Variants in TMEM255A observed in about 807,000 individuals in gnomAD.
TMEM255A encodes the protein transmembrane protein 255A.
TMEM255A carries 14 observed loss-of-function variants against 23.5 expected under a neutral mutation model. That is an observed-to-expected ratio of 0.60 (90% CI 0.39 to 0.93). The LOEUF is 0.93. TMEM255A is among the 40% of genes least tolerant of loss of function. The probability of loss-of-function intolerance (pLI) is 0.00; values close to 1 mark genes in which losing one functional copy is unlikely to be tolerated. For missense variants in TMEM255A, 233 were observed against 261.7 expected (o/e 0.89, Z 0.76); for synonymous variants, 104 against 100.3 (o/e 1.04, Z -0.22).
At chrX:120,278,782 A>T (rs2057817767) in intron 6 of TMEM255A, among the ~76,000 whole-genome samples, 1 of 112,624 alleles carries the variant, frequency 8.9e-6, no homozygotes, top group Non-Finnish European at 1.9e-5. Context: ...ATATGAAAAG[A>T]CTTAAACTTT....
chrX:120,285,925 C>G lies in TMEM255A; in HGVS notation c.424-710G>C, dbSNP rs367625139. 31 of 1,166,681 alleles carry G rather than the reference C, an allele frequency of 2.7e-5. No individual in the cohort carries two copies. In the African/African-American group the frequency reaches 5.5e-4, roughly 21 times the overall value. On this transcript the variant is annotated intron_variant, in intron 5 of 8. Coordinates refer to ENST00000371369, the MANE Select transcript of TMEM255A (RefSeq NM_001104544.3). ...CAAGAAATTGTCCAGCTCTCTCCCCCATCCAGATGCAATGAAGTGCTGCTA... is the reference window on the plus strand; with the variant it reads ...CAAGAAATTGTCCAGCTCTCTCCCCGATCCAGATGCAATGAAGTGCTGCTA...
chrX:120,303,618 A>G (rs1386834224), intron 2 of TMEM255A, among the ~76,000 whole-genome samples: 1 of 109,220 alleles, frequency 9.2e-6, no homozygotes, highest in East Asian at 2.8e-4. Flanking sequence ...GACTCCAATG[A>G]CAGTCTAATC....
At chrX:120,269,807 C>G (rs1556018353) in intron 7 of TMEM255A, among the ~76,000 whole-genome samples, 1 of 111,971 alleles carries the variant, frequency 8.9e-6, no homozygotes, top group Non-Finnish European at 1.9e-5. Flanking sequence ...GAAATTCTGT[C>G]TCTGGGGAAG....
At chrX:120,264,768 G>T (rs372510921) in intron 8 of TMEM255A, among the ~76,000 whole-genome samples, 1 of 110,266 alleles carries the variant, frequency 9.1e-6, no homozygotes, top group Non-Finnish European at 1.9e-5. Context: ...TGGCCTTTTG[G>T]GGGTGGGTCT....
chrX:120,273,372 A>T (rs7057350), intron 7 of TMEM255A: 44,607 of 318,626 alleles, frequency 0.14, 2,676 homozygotes, highest in African/African-American at 0.25. Flanking sequence ...TCTCAAGATG[A>T]AACACAAGAA....
chrX:120,273,776 T>C (rs782364717), intron 7 of TMEM255A, among the ~76,000 whole-genome samples: 91 of 112,123 alleles, frequency 8.1e-4, no homozygotes, highest in African/African-American at 2.4e-3. Context: ...TTGGTGAGGA[T>C]GTGGAGAAAT....
intron 4 of TMEM255A, among the ~76,000 whole-genome samples, chrX:120,289,632 A>G (rs56400385): frequency 0.22 from 24,871 of 111,247 alleles, 2,316 homozygotes; most frequent in East Asian, 0.4. Context: ...ACAAATAAAC[A>G]TACTTACTAT....
chrX:120,275,809 T>TTTTTTTTTTTTTGA, intron 7 of TMEM255A, among the ~76,000 whole-genome samples: 1 of 95,283 alleles, frequency 1.0e-5, no homozygotes, highest in African/African-American at 3.9e-5. Flanking sequence ...TTTTTTTTTT[T>TTTTTTTTTTTTTGA]AGAGACAGGG....
intron 6 of TMEM255A, among the ~76,000 whole-genome samples, chrX:120,283,086 G>A (rs1556021165): frequency 9.1e-6 from 1 of 110,120 alleles, no homozygotes; most frequent in Non-Finnish European, 1.9e-5. Flanking sequence ...AAGGATGAGG[G>A]GAGGCAAGAG....
At chrX:120,308,922 A>T (rs996899093) in intron 1 of TMEM255A, among the ~76,000 whole-genome samples, 14 of 112,880 alleles carry the variant, frequency 1.2e-4, no homozygotes, top group Non-Finnish European at 2.3e-4. Context: ...TGCGTGTTTT[A>T]AATTTTATTG....
Position 120,304,472 on chromosome X carries a change from T to A in TMEM255A, c.78A>T (p.Lys26Asn). Residue 26 changes from lysine to asparagine, a missense_variant, in exon 2 of 9, where the codon AAA (lysine) becomes AAT (asparagine). Lys to Asn is a moderately conservative substitution (Grantham distance 94, BLOSUM62 0). Coordinates refer to ENST00000371369, the MANE Select transcript of TMEM255A (RefSeq NM_001104544.3). ...PDSMGAFNRR[K>N]RNSIYVTVTL... is the part of the protein sequence containing the mutation. ...TCACGGTGACATAGATGGAGTTTCGTTTCCTCCGATTGAATGCTCCTGAAA... is the reference window on the plus strand; with the variant it reads ...TCACGGTGACATAGATGGAGTTTCGATTCCTCCGATTGAATGCTCCTGAAA... 8.3e-7 allele frequency: 1 copy of A among 1,210,094 alleles called. No individual in the cohort carries two copies. Among genetic ancestry groups the A allele is most frequent in the Non-Finnish European group, 1.1e-6 (1 of 894,754 alleles).
At chrX:120,254,219 G>C (rs782246832), downstream of TMEM255A, 1 of 1,211,587 alleles carries the variant, frequency 8.3e-7, no homozygotes. Flanking sequence ...AAAAATTGTT[G>C]GTATCTTCAG....
chrX:120,280,418 A>AT (rs58027054), intron 6 of TMEM255A, among the ~76,000 whole-genome samples: 34,236 of 105,680 alleles, frequency 0.32, 4,624 homozygotes, highest in East Asian at 0.58. Context: ...CAGCCATTTA[A>AT]TTTTTTTTTT....
At chrX:120,303,700 CA>C (rs1556026452) in intron 2 of TMEM255A, among the ~76,000 whole-genome samples, 1 of 109,235 alleles carries the variant, frequency 9.2e-6, no homozygotes, top group African/African-American at 3.3e-5. Flanking sequence ...GATTTAAAGC[CA>C]CTGTCTTTAA....
At position 120,311,332 on chromosome X, in the gene TMEM255A, C is replaced by A. The variant is rs982189632; in HGVS notation, c.-23G>T. ...CATGGTGAAAACTGCCCGGTTGCCC[C>A]AGTCCCCGAAGCTGCTTCAAGCGCC... is the stretch of plus-strand genomic sequence containing the variant. On this transcript the variant is annotated 5_prime_UTR_variant, in exon 1 of 9. Transcript: ENST00000371369. 1.0e-5 allele frequency: 12 copies of A among 1,163,109 alleles called. No individual in the cohort carries two copies. Among genetic ancestry groups the A allele is most frequent in the Non-Finnish European group, 1.3e-5 (11 of 867,250 alleles).
In TMEM255A at chrX:120,285,221, G is replaced by A. The variant is rs1556021554; in HGVS notation, c.424-6C>T. 3.3e-6 allele frequency: 4 copies of A among 1,196,030 alleles called. No individual in the cohort carries two copies. Among genetic ancestry groups the A allele is most frequent in the East Asian group, 3.0e-5 (1 of 33,748 alleles). ...CTGAGGTGAGGGCAGTTAACCTGAC[G>A]GTATATAACAGTGAGGAGATGAGCT... On this transcript the variant is annotated splice_region_variant and splice_polypyrimidine_tract_variant and intron_variant, in intron 5 of 8. Coordinates refer to ENST00000371369, the MANE Select transcript of TMEM255A (RefSeq NM_001104544.3).
intron 8 of TMEM255A, among the ~76,000 whole-genome samples, chrX:120,267,626 G>C (rs1556017803): frequency 8.9e-6 from 1 of 112,222 alleles, no homozygotes; most frequent in African/African-American, 3.2e-5. Flanking sequence ...AGTAGTCACA[G>C]TTCAAAAGGA....
rs189779101 is a variant in TMEM255A, at chrX:120,308,290, A to T, written c.58+2962T>A. On this transcript the variant is annotated intron_variant, in intron 1 of 8. Coordinates refer to ENST00000371369, the MANE Select transcript of TMEM255A (RefSeq NM_001104544.3). ...AAGATGTGAGTTGCTAGAAGGTAGG[A>T]TGCTGTCTCTGTTACTTTGTTTTAC... 5.2e-4 allele frequency among the ~76,000 whole-genome samples: 58 copies of T among 112,021 alleles called. 1 individual carries two copies. Among genetic ancestry groups the T allele is most frequent in the Non-Finnish European group, 9.4e-5 (5 of 53,184 alleles).
intron 6 of TMEM255A, among the ~76,000 whole-genome samples, chrX:120,284,788 A>G (rs782249927): frequency 2.7e-5 from 3 of 111,329 alleles, no homozygotes; most frequent in African/African-American, 9.8e-5. Flanking sequence ...AAACTTGGAT[A>G]TAGACAGAGC....
Sources: gnomAD v4.1 joint callset for allele counts (sites outside exome capture counted in the v4.1 genomes callset) on GRCh38, gnomAD v4.1.1 for gene constraint, MANE v1.5 for transcripts, NCBI Gene and HGNC (gene_info 2026-07-23, HGNC 2026-07-21) for gene names.